DPP6: variants seen among roughly 807,000 people sequenced by gnomAD.
DPP6 encodes A-type potassium channel modulatory protein DPP6.
Under a neutral mutation model 122.6 loss-of-function variants are expected in DPP6, and 69 were observed. The observed-to-expected ratio is 0.56, with a 90% CI of 0.46 to 0.69. DPP6 has a LOEUF of 0.69. Among genes scored for constraint, DPP6 ranks in the 30% least tolerant of loss-of-function variants. The pLI is 0.00. For missense variants in DPP6, 928 were observed against 1,116.9 expected (o/e 0.83, Z 2.41); for synonymous variants, 418 against 433.1 (o/e 0.97, Z 0.43).
chr7:153,973,131 GA>G (rs1379513214), intron 1 of DPP6, among the ~76,000 whole-genome samples: 24 of 151,856 alleles, frequency 1.6e-4, no homozygotes, highest in African/African-American at 5.3e-4. Context: ...ATTTTTTAGT[GA>G]AAAGTGTGGA....
chr7:154,478,387 C>T (rs972230492), intron 3 of DPP6, among the ~76,000 whole-genome samples: 2 of 152,070 alleles, frequency 1.3e-5, no homozygotes, highest in African/African-American at 4.8e-5. Flanking sequence ...AATTATTACC[C>T]ACCACCACCA....
At chr7:154,741,263 C>A (rs1777625806) in intron 8 of DPP6, among the ~76,000 whole-genome samples, 1 of 152,210 alleles carries the variant, frequency 6.6e-6, no homozygotes, top group African/African-American at 2.4e-5. Flanking sequence ...CATCTGCAGC[C>A]ATACAAGCTC....
rs113493701 is a variant in DPP6 at position 154,552,381 on chromosome 7, G to A, written c.552+11755G>A. 6.1e-3 allele frequency among the ~76,000 whole-genome samples: 923 copies of A among 152,274 alleles called. 5 individuals carry two copies. Among genetic ancestry groups the A allele is most frequent in the Middle Eastern group, 0.017 (5 of 294 alleles). ...CCTTGGATTGGTAAGAGGGATACTC[G>A]TTCTGAGAAAGACATTGTATTTTCT... is the stretch of plus-strand genomic sequence containing the variant. On this transcript the variant is annotated intron_variant, in intron 4 of 25. Coordinates refer to ENST00000377770, the MANE Select transcript of DPP6 (RefSeq NM_130797.4).
At chr7:154,830,032 G>A (rs1800511779) in intron 16 of DPP6, among the ~76,000 whole-genome samples, 1 of 152,168 alleles carries the variant, frequency 6.6e-6, no homozygotes, top group Non-Finnish European at 1.5e-5. Flanking sequence ...CAGACTTTCA[G>A]GCCGTCAAAA....
At position 154,755,077 on chromosome 7, in the gene DPP6, G is replaced by A. The variant is rs35726496; in HGVS notation, c.884-14340G>A. On this transcript the variant is annotated intron_variant, in intron 8 of 25. Coordinates refer to ENST00000377770, the MANE Select transcript of DPP6 (RefSeq NM_130797.4). This position sits in a 1 kb window ranked among gnomAD's most constrained non-coding sequence, Gnocchi z 4.7. ...GTTGATAGATGCAGCAAACCACCACGGCACATGTATACCTATGTAACAAAC... is the reference window on the plus strand; with the variant it reads ...GTTGATAGATGCAGCAAACCACCACAGCACATGTATACCTATGTAACAAAC... 0.017 allele frequency among the ~76,000 whole-genome samples: 2,525 copies of A among 150,194 alleles called. 29 individuals are homozygous for A. Among genetic ancestry groups the A allele is most frequent in the Middle Eastern group, 0.028 (8 of 284 alleles).
intron 7 of DPP6, 29 bp from the exon 8 acceptor site, chr7:154,727,738 T>C (rs1393444750): frequency 6.3e-6 from 10 of 1,585,604 alleles, no homozygotes; most frequent in Non-Finnish European, 8.6e-6. Flanking sequence ...CCTTGCTTAA[T>C]ATTATGCTTT....
intron 1 of DPP6, among the ~76,000 whole-genome samples, chr7:154,205,754 C>G (rs1799408552): frequency 1.4e-5 from 2 of 144,388 alleles, no homozygotes; most frequent in Admixed American, 7.1e-5. Flanking sequence ...TTAATTCCAC[C>G]AAACCTAGAA....
the DPP6 span, among the ~76,000 whole-genome samples, chr7:153,846,419 T>G: frequency 1.3e-5 from 2 of 151,650 alleles, no homozygotes; most frequent in Non-Finnish European, 2.9e-5. Flanking sequence ...TTTATTCTTC[T>G]TTCTCTTAAT....
At chr7:154,324,872 T>TTTA (rs1808301077) in intron 1 of DPP6, among the ~76,000 whole-genome samples, 1 of 143,856 alleles carries the variant, frequency 7.0e-6, no homozygotes, top group East Asian at 2.3e-4. Context: ...TTGTTATTTT[T>TTTA]TTTTTTTTTT....
chr7:154,648,097 A>AC (rs1402860973), intron 6 of DPP6, among the ~76,000 whole-genome samples: 2 of 147,984 alleles, frequency 1.4e-5, no homozygotes, highest in Non-Finnish European at 3.0e-5. Flanking sequence ...TTAAAATTAA[A>AC]AAAAAAAAAA....
the DPP6 span, among the ~76,000 whole-genome samples, chr7:153,752,993 G>T: frequency 1.3e-5 from 2 of 152,044 alleles, no homozygotes; most frequent in Non-Finnish European, 2.9e-5. Context: ...ACATGACAAA[G>T]CTTCACATCA....
chr7:154,725,128 T>G (rs1842003583), intron 7 of DPP6, among the ~76,000 whole-genome samples: 2 of 152,132 alleles, frequency 1.3e-5, no homozygotes, highest in Admixed American at 1.3e-4. Flanking sequence ...TTCTCGCCTA[T>G]TTACCACTGT....
intron 5 of DPP6, among the ~76,000 whole-genome samples, chr7:154,634,979 A>G (rs1178819445): frequency 6.6e-6 from 1 of 152,122 alleles, no homozygotes; most frequent in African/African-American, 2.4e-5. Context: ...TACTTTGCAT[A>G]TTTATTATAT....
chr7:153,835,041 G>GC, the DPP6 span, among the ~76,000 whole-genome samples: 1 of 152,176 alleles, frequency 6.6e-6, no homozygotes, highest in Non-Finnish European at 1.5e-5. Context: ...ACATGTAGGT[G>GC]CCCCCTCATT....
At chr7:153,785,234 C>T in the DPP6 span, among the ~76,000 whole-genome samples, 1 of 152,154 alleles carries the variant, frequency 6.6e-6, no homozygotes, top group Non-Finnish European at 1.5e-5. Flanking sequence ...ACTTCTGTTT[C>T]TGCACGTTCT....
intron 1 of DPP6, among the ~76,000 whole-genome samples, chr7:154,171,883 G>T (rs997460115): frequency 6.6e-6 from 1 of 152,106 alleles, no homozygotes; most frequent in African/African-American, 2.4e-5. Context: ...CCTGATTGCA[G>T]AGTCTCCAAG....
chr7:154,229,693 A>G (rs1391352459), intron 1 of DPP6, among the ~76,000 whole-genome samples: 1 of 152,118 alleles, frequency 6.6e-6, no homozygotes. Context: ...CAATTATTAC[A>G]CCATTCTTCC....
chr7:153,895,379 A>G (rs1165771584), intron 1 of DPP6, among the ~76,000 whole-genome samples: 3 of 152,170 alleles, frequency 2.0e-5, no homozygotes, highest in South Asian at 2.1e-4. Flanking sequence ...AAATTTGAAT[A>G]GATTGATTAT....
chr7:154,859,467 C>T (rs375676751), intron 17 of DPP6, among the ~76,000 whole-genome samples: 5 of 152,198 alleles, frequency 3.3e-5, no homozygotes, highest in Non-Finnish European at 5.9e-5. Context: ...GGCTGGGACC[C>T]GTCTTTATCA....
Sources: allele counts gnomAD v4.1 joint callset (sites outside exome capture counted in the v4.1 genomes callset), GRCh38; gene constraint gnomAD v4.1.1; non-coding constraint Gnocchi (gnomAD v3.1); transcripts MANE v1.5; gene names NCBI Gene and HGNC (gene_info 2026-07-23, HGNC 2026-07-21).